ABCA4: variants seen among roughly 807,000 people sequenced by gnomAD.
ABCA4 encodes the protein ATP binding cassette subfamily A member 4.
Under a neutral mutation model 263.7 loss-of-function variants are expected in ABCA4, and 196 were observed. That is an observed-to-expected ratio of 0.74 (90% CI 0.66 to 0.84). The LOEUF (loss-of-function observed/expected upper bound fraction) is 0.84, where lower values mean the gene tolerates loss of function less well. Ranked by LOEUF, ABCA4 falls within the 40% of genes least tolerant of loss-of-function variation. ABCA4 has a pLI of 0.00. For missense variants in ABCA4, 2,792 were observed against 2,855.1 expected (o/e 0.98, Z 0.50); for synonymous variants, 1,133 against 1,094.2 (o/e 1.04, Z -0.70).
At chr1:94,103,633 G>A (rs1662345863) in intron 4 of ABCA4, among the ~76,000 whole-genome samples, 1 of 152,208 alleles carries the variant, frequency 6.6e-6, no homozygotes, top group South Asian at 2.1e-4. Context: ...CAGTGATGCT[G>A]AGGCTGAGAA....
At chr1:94,071,036 G>A (rs1024315196) in intron 11 of ABCA4, among the ~76,000 whole-genome samples, 1 of 152,094 alleles carries the variant, frequency 6.6e-6, no homozygotes, top group Non-Finnish European at 1.5e-5. Flanking sequence ...GAAAGAAGGA[G>A]GAATTTCAGA....
At chr1:94,050,741 T>C (rs1660813267) in intron 17 of ABCA4, among the ~76,000 whole-genome samples, 1 of 152,086 alleles carries the variant, frequency 6.6e-6, no homozygotes, top group Admixed American at 6.5e-5. Flanking sequence ...TGTTAAAGTG[T>C]TGTTTGTTTG....
chr1:94,042,502 A>G (rs111809377), intron 22 of ABCA4, among the ~76,000 whole-genome samples: 8 of 152,352 alleles, frequency 5.3e-5, no homozygotes, highest in African/African-American at 1.9e-4. Flanking sequence ...TATTCCAGAC[A>G]GAAGGGCTGC....
Position 94,051,532 on chromosome 1 carries a change from C to A in ABCA4, c.2653+101G>T, listed in dbSNP as rs757272174. 9 of 1,090,582 alleles carry A rather than the reference C, an allele frequency of 8.3e-6. No homozygotes were observed. The East Asian group carries it at 2.2e-4, about 27-fold the overall frequency. The allele number at this position is 1,090,582 out of a possible 1,614,324, so 67.6% of individuals were successfully genotyped here. A position where few individuals can be genotyped will look rare whatever the true frequency, so the allele number is the denominator to read the frequency against. ...GAGGCAGCTGACTCATCAGGAATCA[C>A]ACCGTTTACATAGAGGGCCACCTCT... On this transcript the variant is annotated intron_variant, in intron 17 of 49. Transcript: ENST00000370225.
chr1:94,082,083 C>G (rs1482492011), intron 7 of ABCA4, among the ~76,000 whole-genome samples: 2 of 152,108 alleles, frequency 1.3e-5, no homozygotes, highest in African/African-American at 4.8e-5. Flanking sequence ...ACTGATGAGC[C>G]CAGGGAGAAT....
At chr1:94,108,549 T>A (rs1662503580) in intron 4 of ABCA4, 28 bp downstream of exon 4, 2 of 1,612,926 alleles carry the variant, frequency 1.2e-6, no homozygotes, top group Non-Finnish European at 1.7e-6. Context: ...AGGGAAATGA[T>A]GCTTGAGAGC....
At chr1:94,011,425 C>A (rs747382350) in intron 38 of ABCA4, 40 bp from the exon 39 acceptor site, 1 of 1,603,154 alleles carries the variant, frequency 6.2e-7, no homozygotes, top group African/African-American at 1.4e-5. Flanking sequence ...CGGGGCAAAC[C>A]CCACCCCCCC....
chr1:94,029,496 G>A lies in ABCA4; in HGVS notation c.4488C>T (p.Leu1496=). Residue 1496 remains leucine (L), a synonymous_variant, in exon 30 of 50, where the codon CTC becomes CTT. Coordinates refer to ENST00000370225, the MANE Select transcript of ABCA4 (RefSeq NM_000350.3). ...PSCRCSTREK[L]TMLPECPEGA... ...CCTCGGGGCACTCTGGCAGCATGGTGAGCTTCTCCCTGGTGCTGCACCTGC... is the reference window on the plus strand; with the variant it reads ...CCTCGGGGCACTCTGGCAGCATGGTAAGCTTCTCCCTGGTGCTGCACCTGC... 1 of 1,593,752 alleles carries A rather than the reference G, an allele frequency of 6.3e-7. No homozygotes were observed. The highest frequency in any genetic ancestry group is 1.1e-5 in the South Asian group (1 of 88,140).
intron 21 of ABCA4, 88 bp from the exon 22 acceptor site, chr1:94,042,986 C>A: frequency 1.3e-6 from 2 of 1,563,060 alleles, no homozygotes; most frequent in South Asian, 1.1e-5. Context: ...GTGGGGGTAC[C>A]TTAACCCAGC....
At chr1:94,072,504 G>C (rs1440727338) in intron 11 of ABCA4, among the ~76,000 whole-genome samples, 2 of 152,136 alleles carry the variant, frequency 1.3e-5, no homozygotes, top group Non-Finnish European at 2.9e-5. Flanking sequence ...AAAATCCAAA[G>C]GGGAGGGGTG....
chr1:94,114,618 C>T (rs550047521), intron 1 of ABCA4, among the ~76,000 whole-genome samples: 12 of 152,302 alleles, frequency 7.9e-5, no homozygotes, highest in Admixed American at 2.0e-4. Context: ...TCCTGAGTAG[C>T]TGGGACTGCA....
chr1:94,021,089 C>G (rs573406524), intron 35 of ABCA4, 151 bp downstream of exon 35: 1 of 1,038,504 alleles, frequency 9.6e-7, no homozygotes, highest in South Asian at 1.3e-5. Context: ...AAGTGTGAGG[C>G]ACTTATTTGA....
chr1:94,082,600 T>C (rs979991710), intron 7 of ABCA4, among the ~76,000 whole-genome samples: 2 of 152,224 alleles, frequency 1.3e-5, no homozygotes, highest in African/African-American at 4.8e-5. Flanking sequence ...ATTCCAACCA[T>C]GCAGTTTTCC....
In ABCA4 at chr1:94,011,496, CAG is replaced by C. The variant is rs1571250336; in HGVS notation, c.5461-113_5461-112del. On this transcript the variant is annotated intron_variant, in intron 38 of 49. Coordinates refer to ENST00000370225, the MANE Select transcript of ABCA4 (RefSeq NM_000350.3). ...GACAGCACAGGGCAAGGCCTGCAGA[CAG>C]AGAGTCCTTGCAGCCAGACTGGCCA... The C allele has an allele frequency of 1.4e-5, 22 of 1,551,968 alleles. 1 individual carries two copies. The highest frequency in any genetic ancestry group is 9.1e-5 in the East Asian group (4 of 44,014).
At chr1:94,011,883 C>T (rs1557764194) in intron 38 of ABCA4, among the ~76,000 whole-genome samples, 1 of 147,612 alleles carries the variant, frequency 6.8e-6, no homozygotes, top group Non-Finnish European at 1.5e-5. Flanking sequence ...TTTGAAACAA[C>T]AGGAGCCCTC....
At chr1:94,113,406 A>T (rs1662666265) in intron 1 of ABCA4, among the ~76,000 whole-genome samples, 1 of 152,206 alleles carries the variant, frequency 6.6e-6, no homozygotes, top group Admixed American at 6.5e-5. Flanking sequence ...TGGGTTCAGT[A>T]TGGCCCCACC....
At chr1:94,072,537 G>A (rs1661429054) in intron 11 of ABCA4, among the ~76,000 whole-genome samples, 2 of 152,064 alleles carry the variant, frequency 1.3e-5, no homozygotes, top group Non-Finnish European at 2.9e-5. Context: ...TTAGCTGAAG[G>A]GCAATAAGAA....
chr1:94,004,175 A>AT (rs1487903703), intron 44 of ABCA4, among the ~76,000 whole-genome samples: 1 of 152,164 alleles, frequency 6.6e-6, no homozygotes, highest in Non-Finnish European at 1.5e-5. Context: ...ATATATGTCT[A>AT]TATATACATG....
chr1:94,042,660 T>G (rs537349981), intron 22 of ABCA4, 101 bp downstream of exon 22: 763 of 1,497,350 alleles, frequency 5.1e-4, no homozygotes, highest in Non-Finnish European at 6.9e-4. Context: ...GTAGTCATTG[T>G]GGTTCCTGTA....
Sources: gnomAD v4.1 joint callset for allele counts (sites outside exome capture counted in the v4.1 genomes callset) on GRCh38, gnomAD v4.1.1 for gene constraint, MANE v1.5 for transcripts, NCBI Gene and HGNC (gene_info 2026-07-23, HGNC 2026-07-21) for gene names.